The following LARGE1 variants were observed in gnomAD, a reference collection of about 807,000 sequenced individuals.
LARGE1 encodes LARGE xylosyl- and glucuronyltransferase 1.
LARGE1 carries 43 observed loss-of-function variants against 87.6 expected under a neutral mutation model. The observed-to-expected ratio is 0.49, with a 90% confidence interval of 0.38 to 0.63. LARGE1 has a LOEUF of 0.63. Ranked by LOEUF, LARGE1 falls within the 30% of genes least tolerant of loss-of-function variation. The probability of loss-of-function intolerance (pLI) is 0.00; values close to 1 mark genes in which losing one functional copy is unlikely to be tolerated. For missense variants in LARGE1, 802 were observed against 1,000.2 expected (o/e 0.80, Z 2.67); for synonymous variants, 434 against 394.6 (o/e 1.10, Z -1.18).
intron 12 of LARGE1, among the ~76,000 whole-genome samples, chr22:33,290,266 G>A (rs934053516): frequency 1.3e-5 from 2 of 152,092 alleles, no homozygotes; most frequent in African/African-American, 4.8e-5. Flanking sequence ...AAGAGATTAC[G>A]GGAAAGTGTC....
At chr22:33,623,176 C>A (rs184262461) in intron 4 of LARGE1, among the ~76,000 whole-genome samples, 5 of 147,248 alleles carry the variant, frequency 3.4e-5, no homozygotes, top group Non-Finnish European at 7.4e-5. Flanking sequence ...AGACCTGATA[C>A]GTCATGGCAA....
chr22:33,794,187 A>G (rs925176395), intron 1 of LARGE1, among the ~76,000 whole-genome samples: 1 of 152,190 alleles, frequency 6.6e-6, no homozygotes, highest in Non-Finnish European at 1.5e-5. Flanking sequence ...GTCTGTGCAT[A>G]TAATTTGTGA....
At chr22:33,126,703 G>A in the LARGE1 span, among the ~76,000 whole-genome samples, 1 of 152,200 alleles carries the variant, frequency 6.6e-6, no homozygotes, top group African/African-American at 2.4e-5. Context: ...TTGCTATGGG[G>A]CAAGACATAA....
At chr22:33,737,529 T>C (rs1218843824) in intron 2 of LARGE1, 2 of 152,154 alleles carry the variant, frequency 1.3e-5, no homozygotes, top group Non-Finnish European at 2.9e-5. Context: ...CATAACAGCG[T>C]TATGAGGTAG....
intron 1 of LARGE1, among the ~76,000 whole-genome samples, chr22:33,778,553 G>T (rs2085319328): frequency 6.6e-6 from 1 of 152,102 alleles, no homozygotes; most frequent in African/African-American, 2.4e-5. Context: ...TATATTCCAT[G>T]TATGTGGGAT....
intron 1 of LARGE1, among the ~76,000 whole-genome samples, chr22:33,825,623 C>A (rs1470250812): frequency 2.6e-5 from 4 of 152,156 alleles, no homozygotes; most frequent in African/African-American, 9.7e-5. Context: ...AACACAAGGA[C>A]AACAGCATAC....
intron 2 of LARGE1, among the ~76,000 whole-genome samples, chr22:33,730,999 ATTT>A (rs376692050): frequency 1.6e-4 from 18 of 115,970 alleles, no homozygotes; most frequent in South Asian, 8.2e-4. Context: ...CCAGCCTGCA[ATTT>A]TTTTTTTTTT....
At chr22:33,910,672 G>C (rs536447054) in intron 1 of LARGE1, among the ~76,000 whole-genome samples, 2 of 152,258 alleles carry the variant, frequency 1.3e-5, no homozygotes, top group Non-Finnish European at 2.9e-5. Flanking sequence ...CGTTGGCTGA[G>C]CAAGTGAAGG....
At chr22:33,441,435 G>T (rs1262954556) in intron 6 of LARGE1, among the ~76,000 whole-genome samples, 1 of 151,830 alleles carries the variant, frequency 6.6e-6, no homozygotes, top group East Asian at 1.9e-4. Context: ...TATTTAATAG[G>T]TAATCTCTCT....
chr22:33,766,965 T>TATAC (rs2084927401), intron 1 of LARGE1, among the ~76,000 whole-genome samples: 13 of 116,406 alleles, frequency 1.1e-4, no homozygotes, highest in African/African-American at 4.3e-4. Flanking sequence ...TATATATATA[T>TATAC]ATACTTCCTG....
intron 1 of LARGE1, among the ~76,000 whole-genome samples, chr22:33,880,958 A>C (rs769176205): frequency 2.6e-4 from 40 of 152,190 alleles, no homozygotes; most frequent in Non-Finnish European, 4.6e-4. Flanking sequence ...ATGTATGTTA[A>C]TGTACTTTTT....
intron 5 of LARGE1, among the ~76,000 whole-genome samples, chr22:33,596,986 C>G (rs2078993717): frequency 6.6e-6 from 1 of 152,216 alleles, no homozygotes; most frequent in Non-Finnish European, 1.5e-5. Context: ...TACTTCATTT[C>G]TCATGTTTCT....
chr22:33,262,417 G>A (rs1927683167), intron 11 of LARGE1, among the ~76,000 whole-genome samples: 1 of 152,150 alleles, frequency 6.6e-6, no homozygotes, highest in South Asian at 2.1e-4. Context: ...CTACGACTGG[G>A]CCTCCTGCAG....
chr22:33,077,029 A>G, the LARGE1 span, among the ~76,000 whole-genome samples: 2 of 152,190 alleles, frequency 1.3e-5, no homozygotes, highest in African/African-American at 2.4e-5. Flanking sequence ...ACTTCTACCC[A>G]GTAAGACTAT....
At chr22:33,126,513 T>C in the LARGE1 span, among the ~76,000 whole-genome samples, 1 of 152,306 alleles carries the variant, frequency 6.6e-6, no homozygotes, top group South Asian at 2.1e-4. Flanking sequence ...CTGAATTGAA[T>C]TGTGAACTTC....
chr22:33,713,759 C>T (rs1335458678), intron 2 of LARGE1, among the ~76,000 whole-genome samples: 3 of 151,906 alleles, frequency 2.0e-5, no homozygotes, highest in Non-Finnish European at 4.4e-5. Flanking sequence ...GAGTTCAAGA[C>T]CAGCGTGGGC....
chr22:33,126,040 G>A, the LARGE1 span, among the ~76,000 whole-genome samples: 42 of 152,152 alleles, frequency 2.8e-4, no homozygotes, highest in African/African-American at 9.4e-4. Context: ...GAGCCACAGC[G>A]CCCGGCTGGA....
At chr22:33,711,924 G>A (rs1025745804) in intron 2 of LARGE1, among the ~76,000 whole-genome samples, 1 of 152,158 alleles carries the variant, frequency 6.6e-6, no homozygotes, top group Non-Finnish European at 1.5e-5. Flanking sequence ...GCCTCCCAAA[G>A]TGTTGGGACT....
At chr22:33,909,521 T>G (rs1216289192) in intron 1 of LARGE1, among the ~76,000 whole-genome samples, 2 of 137,788 alleles carry the variant, frequency 1.5e-5, no homozygotes, top group Non-Finnish European at 3.1e-5. Flanking sequence ...CTTCTTCTTT[T>G]GTTTTTTTTT....
Sources: allele counts gnomAD v4.1 joint callset (sites outside exome capture counted in the v4.1 genomes callset), GRCh38; gene constraint gnomAD v4.1.1; transcripts MANE v1.5; gene names NCBI Gene and HGNC (gene_info 2026-07-23, HGNC 2026-07-21).